The following OXR1 variants were observed in gnomAD, a reference collection of about 807,000 sequenced individuals.
The protein encoded by OXR1 is oxidation resistance protein 1.
Under a neutral mutation model 104.6 loss-of-function variants are expected in OXR1, and 41 were observed. The ratio of observed to expected loss-of-function variants is 0.39; its 90% confidence interval spans 0.31 to 0.51. The LOEUF is 0.51. OXR1 is among the 20% of genes least tolerant of loss of function. OXR1 has a pLI of 0.77. For missense variants in OXR1, 955 were observed against 1,031.9 expected (o/e 0.93, Z 1.02); for synonymous variants, 348 against 348.4 (o/e 1.00, Z 0.01).
At chr8:106,324,560 C>T (rs1563718285) in intron 1 of OXR1, among the ~76,000 whole-genome samples, 1 of 142,630 alleles carries the variant, frequency 7.0e-6, no homozygotes, top group South Asian at 2.2e-4. Context: ...AAAAAAAAAA[C>T]TTTAGAACTC....
At chr8:106,526,767 T>C (rs187649702) in intron 3 of OXR1, among the ~76,000 whole-genome samples, 27 of 152,284 alleles carry the variant, frequency 1.8e-4, no homozygotes, top group African/African-American at 5.3e-4. Context: ...ATGGTCTCTA[T>C]CTCCTGACTT....
chr8:106,543,603 C>T (rs2130347699), intron 3 of OXR1, among the ~76,000 whole-genome samples: 1 of 152,212 alleles, frequency 6.6e-6, no homozygotes, highest in South Asian at 2.1e-4. Flanking sequence ...ACTGAAACTG[C>T]TCTAGATATT....
chr8:106,323,487 C>A (rs145592101), intron 1 of OXR1, among the ~76,000 whole-genome samples: 2 of 151,984 alleles, frequency 1.3e-5, no homozygotes, highest in Non-Finnish European at 2.9e-5. Flanking sequence ...AAAGCAATTG[C>A]AACAAAAGCA....
chr8:106,297,045 T>G (rs2938301), intron 1 of OXR1, among the ~76,000 whole-genome samples: 45,496 of 151,918 alleles, frequency 0.3, 7,094 homozygotes, highest in East Asian at 0.56. Flanking sequence ...CCTGAAACTG[T>G]ATGTGTTTCA....
At chr8:106,447,940 C>G in intron 2 of OXR1, 1 of 1,533,972 alleles carries the variant, frequency 6.5e-7, no homozygotes, top group Non-Finnish European at 8.7e-7. Context: ...ACATCTAGTA[C>G]GGGGCTCACA....
intron 1 of OXR1, among the ~76,000 whole-genome samples, chr8:106,354,534 C>T (rs556983400): frequency 6.6e-6 from 1 of 152,028 alleles, no homozygotes; most frequent in Non-Finnish European, 1.5e-5. Context: ...TTTAGTATCC[C>T]CTTTGGAATT....
chr8:106,683,273 TAA>T lies in OXR1; in HGVS notation c.379_380del (p.Lys127ValfsTer16). On this transcript the variant is annotated frameshift_variant, in exon 5 of 17. Coordinates refer to ENST00000517566, the MANE Select transcript of OXR1 (RefSeq NM_001198533.2). LOFTEE classifies it high-confidence loss of function. ...CACCTAACGAACTTGTTCAATTAAA[TAA>T]GTTATTCTCCCGAGCAGTTGTTACT... Reference protein sequence around the residue: ...TTPNELVQLNKLFSRAVVTGQ... With the variant: ...TTPNELVQLNXLFSRAVVTGQ... 3.1e-6 allele frequency: 5 copies of T among 1,598,120 alleles called. No homozygotes were observed. Among genetic ancestry groups the T allele is most frequent in the Non-Finnish European group, 4.3e-6 (5 of 1,165,900 alleles).
intron 6 of OXR1, among the ~76,000 whole-genome samples, chr8:106,685,416 C>T (rs146108015): frequency 9.2e-5 from 14 of 152,190 alleles, no homozygotes; most frequent in East Asian, 7.7e-4. Flanking sequence ...TCCTGTTCCT[C>T]GGCTTTAACC....
At chr8:106,720,585 T>C (rs1832746262) in intron 11 of OXR1, 1 of 262,302 alleles carries the variant, frequency 3.8e-6, no homozygotes, top group African/African-American at 2.3e-5. Context: ...GTTTAATCAT[T>C]TTGTGCCTTG....
intron 3 of OXR1, among the ~76,000 whole-genome samples, chr8:106,539,353 A>G (rs930703712): frequency 6.6e-6 from 1 of 152,196 alleles, no homozygotes; most frequent in African/African-American, 2.4e-5. Flanking sequence ...TGCCCGTTCC[A>G]TATTGTCAAG....
intron 3 of OXR1, among the ~76,000 whole-genome samples, chr8:106,523,920 G>A (rs1004553166): frequency 9.2e-5 from 14 of 151,978 alleles, no homozygotes; most frequent in African/African-American, 1.9e-4. Context: ...GACTACAGGC[G>A]CCCACCACCA....
chr8:106,335,941 C>G (rs558759282), intron 1 of OXR1, among the ~76,000 whole-genome samples: 2 of 152,128 alleles, frequency 1.3e-5, no homozygotes, highest in African/African-American at 4.8e-5. Context: ...ACCAAAAATA[C>G]AAAAATTAGC....
Position 106,752,090 on chromosome 8 carries a change from A to G in OXR1, c.*1149A>G, listed in dbSNP as rs984206289. 6.6e-6 allele frequency: 1 copy of G among 152,570 alleles called. No homozygotes were observed. Among genetic ancestry groups the G allele is most frequent in the Non-Finnish European group, 1.5e-5 (1 of 67,952 alleles). 9.5% of individuals were successfully genotyped at this position (152,570 alleles called of 1,614,324 possible). A position where few individuals can be genotyped will look rare whatever the true frequency, so the allele number is the denominator to read the frequency against. On this transcript the variant is annotated 3_prime_UTR_variant, in exon 17 of 17. Coordinates refer to ENST00000517566, the MANE Select transcript of OXR1 (RefSeq NM_001198533.2). ...GAAACCAATAATAGCCATTGTGGCA[A>G]TAATTCATCAGTTGATTTTAAAGCT... is the stretch of plus-strand genomic sequence containing the variant.
Position 106,752,081 on chromosome 8 carries a change from A to G in OXR1, c.*1140A>G, listed in dbSNP as rs1835923481. 6.6e-6 allele frequency: 1 copy of G among 152,566 alleles called. No individual in the cohort carries two copies. The highest frequency in any genetic ancestry group is 1.5e-5 in the Non-Finnish European group (1 of 67,968). 9.5% of individuals were successfully genotyped at this position (152,566 alleles called of 1,614,324 possible). ...CTTTTGTAGGAAACCAATAATAGCC[A>G]TTGTGGCAATAATTCATCAGTTGAT... On this transcript the variant is annotated 3_prime_UTR_variant, in exon 17 of 17. Transcript: ENST00000517566.
At chr8:106,277,582 G>T (rs1403512254) in intron 1 of OXR1, among the ~76,000 whole-genome samples, 1 of 152,234 alleles carries the variant, frequency 6.6e-6, no homozygotes, top group East Asian at 1.9e-4. Context: ...TGTAAGTGGA[G>T]CCGGGAGCTC....
chr8:106,513,537 G>C (rs1812675188), intron 2 of OXR1, among the ~76,000 whole-genome samples: 1 of 152,130 alleles, frequency 6.6e-6, no homozygotes, highest in African/African-American at 2.4e-5. Flanking sequence ...TATTCAGTTA[G>C]TTCTCTTGTT....
intron 1 of OXR1, among the ~76,000 whole-genome samples, chr8:106,339,694 A>G (rs1221216463): frequency 6.6e-6 from 1 of 150,818 alleles, no homozygotes; most frequent in Non-Finnish European, 1.5e-5. Flanking sequence ...TTTTTGTGTC[A>G]GGGCCTTTAT....
intron 3 of OXR1, among the ~76,000 whole-genome samples, chr8:106,625,922 A>AT (rs757199891): frequency 6.6e-6 from 1 of 151,694 alleles, no homozygotes; most frequent in South Asian, 2.1e-4. Context: ...TTTAATACAT[A>AT]TTTTTTTCTC....
intron 7 of OXR1, among the ~76,000 whole-genome samples, chr8:106,694,595 GATATATAAAT>G (rs1428802039): frequency 3.2e-5 from 2 of 63,482 alleles, no homozygotes; most frequent in African/African-American, 1.6e-4. Context: ...ATATATATTT[GATATATAAAT>G]ATATGTTTAT....
Sources: gnomAD v4.1 joint callset for allele counts (sites outside exome capture counted in the v4.1 genomes callset) on GRCh38, gnomAD v4.1.1 for gene constraint, MANE v1.5 for transcripts, NCBI Gene and HGNC (gene_info 2026-07-23, HGNC 2026-07-21) for gene names.